DOCK9: variants seen among roughly 807,000 people sequenced by gnomAD.
DOCK9 encodes the protein dedicator of cytokinesis 9, also known as dedicator of cytokinesis protein 9.
DOCK9 carries 89 observed loss-of-function variants against 263.3 expected under a neutral mutation model. That is an observed-to-expected ratio of 0.34 (90% CI 0.28 to 0.40). DOCK9 has a LOEUF of 0.40. DOCK9 is among the 10% of genes least tolerant of loss of function. The pLI is 1.00. For synonymous variants in DOCK9, 976 were observed against 973.1 expected (o/e 1.00, Z -0.06); for missense variants, 2,140 against 2,603.4 (o/e 0.82, Z 3.87).
Position 98,804,024 on chromosome 13 carries a change from G to A in DOCK9, c.5725+975C>T, listed in dbSNP as rs531200189. 1.4e-3 allele frequency among the ~76,000 whole-genome samples: 205 copies of A among 151,838 alleles called. 4 individuals are homozygous for A. Among genetic ancestry groups the A allele is most frequent in the Admixed American group, 4.0e-3 (61 of 15,266 alleles). ...TCTTTTTAAAGCATACGCTTCGCCG[G>A]TGAGAGCTGATAAGCACCTGGGTGC... is the stretch of plus-strand genomic sequence containing the variant. On this transcript the variant is annotated intron_variant, in intron 49 of 52. Transcript: ENST00000682017.
intron 1 of DOCK9, among the ~76,000 whole-genome samples, chr13:99,017,453 T>C (rs1430792981): frequency 3.3e-5 from 5 of 152,244 alleles, no homozygotes; most frequent in African/African-American, 4.8e-5. Flanking sequence ...AAAATTAATT[T>C]GTTATTGTTA....
intron 27 of DOCK9, among the ~76,000 whole-genome samples, chr13:98,876,478 C>CA (rs1339157299): frequency 6.6e-6 from 1 of 151,782 alleles, no homozygotes; most frequent in Non-Finnish European, 1.5e-5. Context: ...GCAACAAGAG[C>CA]AAAAAATATT....
intron 1 of DOCK9, among the ~76,000 whole-genome samples, chr13:99,014,018 G>A (rs567197749): frequency 3.4e-4 from 52 of 152,316 alleles, no homozygotes; most frequent in Non-Finnish European, 5.6e-4. Context: ...AAGAGCAGCC[G>A]ACAGGATGCA....
chr13:98,835,026 C>T (rs988561682), intron 39 of DOCK9, among the ~76,000 whole-genome samples: 6 of 152,196 alleles, frequency 3.9e-5, no homozygotes, highest in Non-Finnish European at 5.9e-5. Context: ...TGGGATAATT[C>T]GATCTACCAG....
intron 49 of DOCK9, among the ~76,000 whole-genome samples, chr13:98,803,191 A>G (rs1594137759): frequency 6.6e-6 from 1 of 151,774 alleles, no homozygotes. Flanking sequence ...TCTGAAGCGC[A>G]CTCTCTGTCC....
intron 31 of DOCK9, 39 bp downstream of exon 31, chr13:98,863,331 C>T (rs1566761526): frequency 1.6e-5 from 25 of 1,597,636 alleles, no homozygotes; most frequent in Non-Finnish European, 2.1e-5. Flanking sequence ...AAATAAAGGA[C>T]ATTATCAATG....
chr13:98,818,475 C>T (rs1476049477), intron 45 of DOCK9, among the ~76,000 whole-genome samples: 2 of 152,076 alleles, frequency 1.3e-5, no homozygotes, highest in African/African-American at 4.8e-5. Context: ...TAGTGATAAC[C>T]TTATAGGGCA....
At chr13:99,087,923 A>G (rs565743085), upstream of DOCK9, 12 of 152,492 alleles carry the variant, frequency 7.9e-5, no homozygotes, top group African/African-American at 2.6e-4. Context: ...CCAAATACCC[A>G]GAGGTTTCAT....
At chr13:99,016,390 G>A (rs988344321) in intron 1 of DOCK9, among the ~76,000 whole-genome samples, 1 of 152,194 alleles carries the variant, frequency 6.6e-6, no homozygotes. Flanking sequence ...GAGAGGGCTA[G>A]CAAGATTGCA....
intron 50 of DOCK9, among the ~76,000 whole-genome samples, chr13:98,798,734 A>G (rs2089754344): frequency 6.6e-6 from 1 of 152,168 alleles, no homozygotes; most frequent in African/African-American, 2.4e-5. Flanking sequence ...ACGCAAATAA[A>G]ATGATAAAGT....
chr13:98,978,218 G>A (rs1283504868), upstream of DOCK9: 2 of 773,750 alleles, frequency 2.6e-6, no homozygotes, highest in Admixed American at 8.2e-5. Context: ...CGGCTTTATT[G>A]TGTCTGTTCC....
intron 1 of DOCK9, among the ~76,000 whole-genome samples, chr13:99,059,295 C>T (rs536623264): frequency 6.6e-6 from 1 of 152,318 alleles, no homozygotes; most frequent in South Asian, 2.1e-4. Context: ...GTTCCAGGGA[C>T]ATCTCCACGG....
intron 1 of DOCK9, among the ~76,000 whole-genome samples, chr13:98,963,823 C>T (rs1189146764): frequency 6.6e-6 from 1 of 152,188 alleles, no homozygotes; most frequent in Non-Finnish European, 1.5e-5. Flanking sequence ...CAGCTTGCAA[C>T]AAAAAGGGGC....
intron 1 of DOCK9, among the ~76,000 whole-genome samples, chr13:99,084,433 G>A (rs1364712954): frequency 6.6e-6 from 1 of 152,226 alleles, no homozygotes; most frequent in Admixed American, 6.5e-5. Context: ...ACGAGACTAA[G>A]AGTTAAGACA....
Position 98,845,959 on chromosome 13 carries a change from A to G in DOCK9, c.4163T>C (p.Leu1388Pro). Reference sequence around the variant, plus strand: ...AGTGAGAGAGTTATCCAGGCTGCCCAGCTGCTGCAATCTGGCATGCATCAT... The same window carrying G: ...AGTGAGAGAGTTATCCAGGCTGCCCGGCTGCTGCAATCTGGCATGCATCAT... ...TGMMHARLQQ[L>P]GSLDNSLTFN... is the part of the protein sequence containing the mutation. The change falls in exon 38 of 53, where the codon CTG becomes CCG. Residue 1388 changes from leucine to proline, a missense_variant. Physicochemically the swap from Leu to Pro is moderately conservative, Grantham distance 98. Transcript: ENST00000682017. The G allele has an allele frequency of 6.2e-7, 1 of 1,613,530 alleles. No individual in the cohort carries two copies. The highest frequency in any genetic ancestry group is 8.5e-7 in the Non-Finnish European group (1 of 1,179,720).
At position 98,808,856 on chromosome 13, in the gene DOCK9, T is replaced by C. The variant is rs564772909; in HGVS notation, c.5367+496A>G. On this transcript the variant is annotated intron_variant, in intron 47 of 52. Coordinates refer to ENST00000682017, the MANE Select transcript of DOCK9 (RefSeq NM_001366683.2). ...TTCCTATAGGGTTTCTGAAAAACTG[T>C]AAATATACTTGTGGAGATATTATAC... Among the ~76,000 whole-genome samples, 165 of 152,312 alleles carry C rather than the reference T, an allele frequency of 1.1e-3. 2 individuals are homozygous for C. Among genetic ancestry groups the C allele is most frequent in the Middle Eastern group, 0.01 (3 of 294 alleles).
At position 98,809,550 on chromosome 13, in the gene DOCK9, A is replaced by G. The variant is rs147110232; in HGVS notation, c.5254-85T>C. On this transcript the variant is annotated intron_variant, in intron 46 of 52. Coordinates refer to ENST00000682017, the MANE Select transcript of DOCK9 (RefSeq NM_001366683.2). Reference sequence around the variant, plus strand: ...ATAACAAATGTGATAATGGAGGTGAAAAGTCCTTGAACTTGAATAAAAATA... The same window carrying G: ...ATAACAAATGTGATAATGGAGGTGAGAAGTCCTTGAACTTGAATAAAAATA... 420 of 1,126,510 alleles carry G rather than the reference A, an allele frequency of 3.7e-4. No individual in the cohort carries two copies. The African/African-American group carries it at 5.7e-3, about 15-fold the overall frequency. 69.8% of individuals were successfully genotyped at this position (1,126,510 alleles called of 1,614,324 possible). A position where few individuals can be genotyped will look rare whatever the true frequency, so the allele number is the denominator to read the frequency against.
intron 1 of DOCK9, among the ~76,000 whole-genome samples, chr13:99,040,523 AT>A (rs1427383119): frequency 6.6e-6 from 1 of 152,256 alleles, no homozygotes. Context: ...GTACATGGTG[AT>A]TGTATAAATA....
At chr13:98,856,582 T>A (rs1371845628) in intron 33 of DOCK9, 1 of 152,516 alleles carries the variant, frequency 6.6e-6, no homozygotes, top group Non-Finnish European at 1.5e-5. Context: ...CCTGCTATGA[T>A]AAAAGGCAAG....
Sources: gnomAD v4.1 joint callset for allele counts (sites outside exome capture counted in the v4.1 genomes callset) on GRCh38, gnomAD v4.1.1 for gene constraint, MANE v1.5 for transcripts, NCBI Gene and HGNC (gene_info 2026-07-23, HGNC 2026-07-21) for gene names.